UBAP2L: variants seen among roughly 807,000 people sequenced by gnomAD.
UBAP2L encodes ubiquitin-associated protein 2-like.
A neutral mutation model predicts 130.6 loss-of-function variants in UBAP2L; 12 were observed. The ratio of observed to expected loss-of-function variants is 0.09; its 90% CI spans 0.06 to 0.15. The LOEUF is 0.15. UBAP2L is among the 10% of genes least tolerant of loss of function. UBAP2L has a pLI of 1.00. For synonymous variants in UBAP2L, 503 were observed against 524.7 expected (o/e 0.96, Z 0.57); for missense variants, 965 against 1,332.5 (o/e 0.72, Z 4.29).
rs912140576 is a variant in UBAP2L, at chr1:154,255,944, G to T, written c.2157+189G>T. The stretch of plus-strand genomic sequence containing the variant: ...AGGCAGAAGAATCCCTAAACATTGA[G>T]CTCTGGGTCATTCCTAAAAGCCCTG... On this transcript the variant is annotated intron_variant, in intron 18 of 26. Coordinates refer to ENST00000428931, the MANE Select transcript of UBAP2L (RefSeq NM_014847.4). Among the ~76,000 whole-genome samples, 51 of 152,186 alleles carry T rather than the reference G, an allele frequency of 3.4e-4. 1 individual carries two copies. The highest frequency in any genetic ancestry group is 1.2e-3 in the African/African-American group (51 of 41,454).
At chr1:154,254,624 A>C in intron 15 of UBAP2L, 1 of 573,514 alleles carries the variant, frequency 1.7e-6, no homozygotes. Flanking sequence ...TTGGTCACAC[A>C]GTGTTGGTAT....
intron 25 of UBAP2L, among the ~76,000 whole-genome samples, chr1:154,267,923 C>G (rs1427960337): frequency 2.9e-5 from 1 of 34,798 alleles, no homozygotes; most frequent in Non-Finnish European, 5.6e-5. Flanking sequence ...GAGTTTCATT[C>G]TTGTTGCCCA....
intron 20 of UBAP2L, chr1:154,257,732 C>T (rs966040259): frequency 7.6e-6 from 3 of 397,076 alleles, no homozygotes; most frequent in Non-Finnish European, 1.4e-5. Context: ...TGTAATCAAA[C>T]TGGTTTTTAA....
intron 24 of UBAP2L, among the ~76,000 whole-genome samples, chr1:154,264,692 C>T (rs960509926): frequency 2.0e-5 from 3 of 152,178 alleles, no homozygotes; most frequent in Admixed American, 6.5e-5. Flanking sequence ...TCATTTCTTC[C>T]ATCCAATATA....
At chr1:154,250,996 A>G (rs763387148) in intron 12 of UBAP2L, 45 bp from the exon 13 acceptor site, 2 of 1,562,502 alleles carry the variant, frequency 1.3e-6, no homozygotes, top group East Asian at 4.5e-5. Flanking sequence ...TTTCCTTGAG[A>G]TTCATTAGCA....
At chr1:154,221,608 G>C (rs1471787311) in intron 1 of UBAP2L, among the ~76,000 whole-genome samples, 1 of 152,210 alleles carries the variant, frequency 6.6e-6, no homozygotes, top group Non-Finnish European at 1.5e-5. Flanking sequence ...GAGGTAGGGA[G>C]GAGATTGGCC....
At chr1:154,266,396 C>T (rs1196489752) in intron 24 of UBAP2L, 105 bp from the exon 25 acceptor site, 2 of 1,247,668 alleles carry the variant, frequency 1.6e-6, no homozygotes, top group South Asian at 1.2e-5. Context: ...CCAAAATTCC[C>T]TTGCATTGGT....
chr1:154,251,361 G>A (rs1452775760), intron 13 of UBAP2L, 43 bp downstream of exon 13: 15 of 1,586,936 alleles, frequency 9.5e-6, no homozygotes, highest in Admixed American at 1.8e-5. Flanking sequence ...GGCAAGGGGT[G>A]TGGGGCTTGA....
intron 20 of UBAP2L, 187 bp downstream of exon 20, chr1:154,257,621 G>A: frequency 1.6e-6 from 1 of 626,190 alleles, no homozygotes; most frequent in East Asian, 2.8e-5. Flanking sequence ...TTTGATCTGT[G>A]TGTCTGGTTG....
intron 21 of UBAP2L, 171 bp from the exon 22 acceptor site, chr1:154,259,777 A>G (rs1571928843): frequency 1.3e-6 from 1 of 784,384 alleles, no homozygotes; most frequent in Non-Finnish European, 2.3e-6. Flanking sequence ...GGCAGGGGGG[A>G]CAGTGTATGC....
intron 24 of UBAP2L, among the ~76,000 whole-genome samples, chr1:154,262,173 C>T (rs577085910): frequency 6.6e-6 from 1 of 152,262 alleles, no homozygotes; most frequent in East Asian, 1.9e-4. Flanking sequence ...TATTCCCTAG[C>T]TAGAAGACCT....
In UBAP2L at chr1:154,257,146, C is replaced by G. The variant is rs1280287883; in HGVS notation, c.2241C>G (p.Pro747=). ...STTSSTVSAP[P]PVVSVSSSLN... ...CATCCAGCACAGTCTCTGCACCTCC[C>G]CCAGTGGTCAGTGTCTCCTCCAGTC... The change falls in exon 19 of 27, where the codon CCC becomes CCG. Residue 747 remains proline (P), a synonymous_variant. Transcript: ENST00000428931. 3 of 1,614,186 alleles carry G rather than the reference C, an allele frequency of 1.9e-6. No homozygotes were observed. The highest frequency in any genetic ancestry group is 2.5e-6 in the Non-Finnish European group (3 of 1,180,040).
In UBAP2L at chr1:154,270,378, G is replaced by A; in HGVS notation, c.*83G>A. 10 of 1,585,992 alleles carry A rather than the reference G, an allele frequency of 6.3e-6. No homozygotes were observed. Among genetic ancestry groups the A allele is most frequent in the Non-Finnish European group, 8.6e-6 (10 of 1,168,656 alleles). Reference sequence around the variant, plus strand: ...TATGGAAACAGCATCAAAGAGAAAGGAATGTGGGGGGTTTCCGCTGCCCCC... The same window carrying A: ...TATGGAAACAGCATCAAAGAGAAAGAAATGTGGGGGGTTTCCGCTGCCCCC... On this transcript the variant is annotated 3_prime_UTR_variant, in exon 27 of 27. Coordinates refer to ENST00000428931, the MANE Select transcript of UBAP2L (RefSeq NM_014847.4).
intron 20 of UBAP2L, 53 bp downstream of exon 20, chr1:154,257,487 T>C: frequency 2.5e-6 from 4 of 1,594,036 alleles, no homozygotes; most frequent in Non-Finnish European, 3.4e-6. Context: ...GTGGCTACTC[T>C]TTTTATAGCT....
intron 4 of UBAP2L, among the ~76,000 whole-genome samples, chr1:154,231,042 A>G (rs954526130): frequency 6.6e-6 from 1 of 152,226 alleles, no homozygotes; most frequent in Admixed American, 6.5e-5. Context: ...TACTGTGAGC[A>G]TAAAATGACC....
intron 26 of UBAP2L, chr1:154,269,587 AC>A (rs903000153): frequency 7.8e-6 from 3 of 385,614 alleles, no homozygotes; most frequent in African/African-American, 6.4e-5. Flanking sequence ...CCTCCCCAAC[AC>A]CCTCTTTATC....
chr1:154,240,788 A>G (rs1673264298), intron 8 of UBAP2L, among the ~76,000 whole-genome samples: 1 of 151,396 alleles, frequency 6.6e-6, no homozygotes, highest in African/African-American at 2.4e-5. Context: ...CAGACTGCCT[A>G]CAGTATTTTT....
chr1:154,227,749 T>TG (rs1668460850), intron 3 of UBAP2L, among the ~76,000 whole-genome samples: 1 of 152,130 alleles, frequency 6.6e-6, no homozygotes, highest in Non-Finnish European at 1.5e-5. Flanking sequence ...GGTTTCACCA[T>TG]GTTGGCCAGG....
rs1468895841 is a variant in UBAP2L, at chr1:154,266,494, C to T, written c.2903-7C>T. 1 of 1,614,088 alleles carries T rather than the reference C, an allele frequency of 6.2e-7. No individual in the cohort carries two copies. The highest frequency in any genetic ancestry group is 8.5e-7 in the Non-Finnish European group (1 of 1,179,942). On this transcript the variant is annotated splice_region_variant and splice_polypyrimidine_tract_variant and intron_variant, in intron 24 of 26. Coordinates refer to ENST00000428931, the MANE Select transcript of UBAP2L (RefSeq NM_014847.4). ...CTAATCCTCCTGTCTGTTTCCTCCTCCCCCAGGTGTTTCAGTCACCTCCAG... is the reference window on the plus strand; with the variant it reads ...CTAATCCTCCTGTCTGTTTCCTCCTTCCCCAGGTGTTTCAGTCACCTCCAG...
Sources: gnomAD v4.1 joint callset for allele counts (sites outside exome capture counted in the v4.1 genomes callset) on GRCh38, gnomAD v4.1.1 for gene constraint, MANE v1.5 for transcripts, NCBI Gene and HGNC (gene_info 2026-07-23, HGNC 2026-07-21) for gene names.